Variants in RGS5 observed in about 807,000 individuals in gnomAD.
RGS5 encodes the protein regulator of G-protein signalling 5.
In RGS5, 20 loss-of-function variants were observed where a neutral mutation model predicts 18.9. The ratio of observed to expected loss-of-function variants is 1.06; its 90% CI spans 0.74 to 1.54. RGS5 has a LOEUF of 1.54. Ranked by LOEUF, RGS5 falls within the 40% of genes most tolerant of loss-of-function variation. The pLI is 0.00. For missense variants in RGS5, 201 were observed against 211.8 expected, an observed-to-expected ratio of 0.95 and a Z score of 0.32; for synonymous variants, 57 against 76.2, an observed-to-expected ratio of 0.75 and a Z score of 1.31.
intron 2 of RGS5, among the ~76,000 whole-genome samples, chr1:163,297,119 T>C (rs1288485793): frequency 1.3e-5 from 2 of 152,010 alleles, no homozygotes; most frequent in Non-Finnish European, 2.9e-5. Flanking sequence ...ACCAAGACAG[T>C]TGGAGGTAAA....
At chr1:163,184,834 G>A (rs1659003403) in intron 1 of RGS5, among the ~76,000 whole-genome samples, 1 of 152,112 alleles carries the variant, frequency 6.6e-6, no homozygotes, top group African/African-American at 2.4e-5. Flanking sequence ...GCAGCCCTAG[G>A]GATCCATTTT....
chr1:163,286,818 A>T (rs1571341810), intron 2 of RGS5, among the ~76,000 whole-genome samples: 1 of 152,098 alleles, frequency 6.6e-6, no homozygotes, highest in Admixed American at 6.6e-5. Flanking sequence ...AGAAAAAAAA[A>T]TTTTAAGTTT....
intron 2 of RGS5, among the ~76,000 whole-genome samples, chr1:163,297,866 T>G (rs1649459897): frequency 6.6e-6 from 1 of 152,184 alleles, no homozygotes. Flanking sequence ...AAACAAATTA[T>G]TTTTGAAGAC....
chr1:163,191,176 G>A lies in RGS5; in HGVS notation c.44+11616C>T, dbSNP rs545087313. On this transcript the variant is annotated intron_variant, in intron 1 of 4. Coordinates refer to ENST00000313961, the MANE Select transcript of RGS5 (RefSeq NM_003617.4). ...GTCAGCAAAAGAGACAGAGACTGCC[G>A]ATGGCTATGTGGCAGATTCTTGGGT... Among the ~76,000 whole-genome samples, 33 of 152,216 alleles carry A rather than the reference G, an allele frequency of 2.2e-4. 1 individual carries two copies. Among genetic ancestry groups the A allele is most frequent in the Admixed American group, 3.9e-4 (6 of 15,282 alleles).
intron 2 of RGS5, among the ~76,000 whole-genome samples, chr1:163,286,034 C>T (rs946781619): frequency 6.6e-6 from 1 of 151,130 alleles, no homozygotes; most frequent in African/African-American, 2.4e-5. Flanking sequence ...ACAGACACAC[C>T]CCACTATATA....
rs1657107968 is a variant in RGS5 at position 163,145,829 on chromosome 1, C to T, written c.*1513G>A. 6.6e-6 allele frequency: 1 copy of T among 152,082 alleles called. No individual in the cohort carries two copies. The highest frequency in any genetic ancestry group is 1.5e-5 in the Non-Finnish European group (1 of 68,018). 9.4% of individuals were successfully genotyped at this position (152,082 alleles called of 1,614,324 possible). A position where few individuals can be genotyped will look rare whatever the true frequency, so the allele number is the denominator to read the frequency against. The stretch of plus-strand genomic sequence containing the variant: ...ATAAATGAGCTACAAATATGAGAAA[C>T]TGAGAGTGTGTGAATGAAAGAGAGC... On this transcript the variant is annotated 3_prime_UTR_variant, in exon 5 of 5. Coordinates refer to ENST00000313961, the MANE Select transcript of RGS5 (RefSeq NM_003617.4).
upstream of RGS5, among the ~76,000 whole-genome samples, chr1:163,219,255 CCT>C (rs1249274707): frequency 6.6e-6 from 1 of 152,104 alleles, no homozygotes; most frequent in East Asian, 1.9e-4. Context: ...GCCTGTTCTC[CCT>C]CTTTGTCCTA....
At chr1:163,170,889 G>A (rs1658269821) in intron 1 of RGS5, among the ~76,000 whole-genome samples, 1 of 152,178 alleles carries the variant, frequency 6.6e-6, no homozygotes, top group South Asian at 2.1e-4. Context: ...AATTCCAAGT[G>A]TTGCAAGTTA....
chr1:163,267,319 A>T (rs1039586554), intron 2 of RGS5: 2 of 152,088 alleles, frequency 1.3e-5, no homozygotes, highest in Non-Finnish European at 1.5e-5. Context: ...GGCACCTTGA[A>T]CTTGCACTTC....
chr1:163,190,642 G>A (rs916617020), intron 1 of RGS5, among the ~76,000 whole-genome samples: 10 of 152,180 alleles, frequency 6.6e-5, no homozygotes, highest in Non-Finnish European at 1.5e-4. Flanking sequence ...TTGGTTTGTG[G>A]ACAGTAGTTC....
Position 163,147,086 on chromosome 1 carries a change from T to G in RGS5, c.*256A>C, listed in dbSNP as rs139132022. On this transcript the variant is annotated 3_prime_UTR_variant, in exon 5 of 5. Transcript: ENST00000313961. ...GGCAGGATTTTTCTGTGATTCTGATTGTGTCTGACTACAAGCTGAAGATAT... is the reference window on the plus strand; with the variant it reads ...GGCAGGATTTTTCTGTGATTCTGATGGTGTCTGACTACAAGCTGAAGATAT... The G allele has an allele frequency of 1.2e-4, 38 of 308,872 alleles. 1 individual carries two copies. The Admixed American group carries it at 1.8e-3, about 15-fold the overall frequency. The allele number at this position is 308,872 out of a possible 1,614,324, so 19.1% of individuals were successfully genotyped here. A position where few individuals can be genotyped will look rare whatever the true frequency, so the allele number is the denominator to read the frequency against.
chr1:163,155,554 G>A (rs1347559841), intron 3 of RGS5, among the ~76,000 whole-genome samples: 1 of 152,146 alleles, frequency 6.6e-6, no homozygotes, highest in Non-Finnish European at 1.5e-5. Flanking sequence ...TGACCCCTGA[G>A]ACTGCTTCTC....
chr1:163,307,219 C>T (rs1332579966), intron 1 of RGS5, among the ~76,000 whole-genome samples: 5 of 152,106 alleles, frequency 3.3e-5, no homozygotes, highest in Non-Finnish European at 5.9e-5. Context: ...CTACCACATC[C>T]CTCTTCTAAG....
At chr1:163,175,257 A>T (rs1010160197) in intron 1 of RGS5, among the ~76,000 whole-genome samples, 1 of 152,160 alleles carries the variant, frequency 6.6e-6, no homozygotes, top group African/African-American at 2.4e-5. Flanking sequence ...GCTGAGAACT[A>T]ATCTGAGAGG....
rs185918285 is a variant in RGS5, at chr1:163,296,154, C to T, written c.-281+10079G>A. 4.1e-3 allele frequency among the ~76,000 whole-genome samples: 631 copies of T among 152,252 alleles called. 3 individuals are homozygous for T. Among genetic ancestry groups the T allele is most frequent in the Non-Finnish European group, 6.1e-3 (418 of 68,000 alleles). The stretch of plus-strand genomic sequence containing the variant: ...GCTACACTTATGTAAATAATCAGGA[C>T]ATGATGACAGTAGACTTATTTTGTA... On this transcript the variant is annotated intron_variant, in intron 2 of 5. Transcript: ENST00000618415.
chr1:163,306,045 A>G (rs1649688757), intron 2 of RGS5, among the ~76,000 whole-genome samples: 1 of 152,128 alleles, frequency 6.6e-6, no homozygotes, highest in Admixed American at 6.5e-5. Flanking sequence ...TCACCATTAG[A>G]AAACTATCAT....
At chr1:163,251,728 C>T (rs748776773) in intron 2 of RGS5, among the ~76,000 whole-genome samples, 31 of 152,058 alleles carry the variant, frequency 2.0e-4, no homozygotes, top group Non-Finnish European at 2.6e-4. Context: ...ATAATTTTGT[C>T]GCTTTGAGAA....
At chr1:163,277,222 T>C (rs1648880049) in intron 2 of RGS5, among the ~76,000 whole-genome samples, 1 of 152,192 alleles carries the variant, frequency 6.6e-6, no homozygotes, top group Admixed American at 6.5e-5. Flanking sequence ...ACCTGGAACC[T>C]CCTGCTTTGA....
intron 1 of RGS5, among the ~76,000 whole-genome samples, chr1:163,171,133 C>T (rs1413974057): frequency 6.6e-6 from 1 of 152,080 alleles, no homozygotes; most frequent in African/African-American, 2.4e-5. Context: ...AAAAATTCCC[C>T]GCAAGTTACT....
Sources: gnomAD v4.1 joint callset for allele counts (sites outside exome capture counted in the v4.1 genomes callset) on GRCh38, gnomAD v4.1.1 for gene constraint, MANE v1.5 for transcripts, NCBI Gene and HGNC (gene_info 2026-07-23, HGNC 2026-07-21) for gene names.